Variants in CSMD2 observed in about 807,000 individuals in gnomAD.
CSMD2 encodes CUB and sushi domain-containing protein 2.
CSMD2 carries 130 observed loss-of-function variants against 398.5 expected under a neutral mutation model. That is an observed-to-expected ratio of 0.33 (90% confidence interval 0.28 to 0.38). The LOEUF is 0.38. CSMD2 is among the 10% of genes least tolerant of loss of function. The probability of loss-of-function intolerance (pLI) is 1.00; values close to 1 mark genes in which losing one functional copy is unlikely to be tolerated. For missense variants in CSMD2, 3,829 were observed against 4,764.9 expected, an observed-to-expected ratio of 0.80 and a Z score of 5.78; for synonymous variants, 1,828 against 1,908.5, an observed-to-expected ratio of 0.96 and a Z score of 1.10.
intron 5 of CSMD2, among the ~76,000 whole-genome samples, chr1:33,883,165 C>G (rs1049122809): frequency 6.6e-6 from 1 of 152,186 alleles, no homozygotes; most frequent in Non-Finnish European, 1.5e-5. Flanking sequence ...GTTATTTAAA[C>G]TTTCTTCCAT....
rs1654033730 is a variant in CSMD2, at chr1:33,519,327, A to G, written c.*53+138T>C. The G allele has an allele frequency of 3.3e-6, 2 of 603,368 alleles. No individual in the cohort carries two copies. The highest frequency in any genetic ancestry group is 5.9e-6 in the Non-Finnish European group (2 of 340,292). 37.4% of individuals were successfully genotyped at this position (603,368 alleles called of 1,614,324 possible). A position where few individuals can be genotyped will look rare whatever the true frequency, so the allele number is the denominator to read the frequency against. On this transcript the variant is annotated intron_variant, in intron 70 of 70. Coordinates refer to ENST00000373381, the MANE Select transcript of CSMD2 (RefSeq NM_001281956.2). This position sits in a 1 kb window ranked among gnomAD's most constrained non-coding sequence, Gnocchi z 5.6. ...GGCCTGGTTCAGTGCCTGTTACACA[A>G]TGATGCTCAATGCACAGCTCTCCTC...
At chr1:33,666,740 C>A (rs1644329670) in intron 25 of CSMD2, among the ~76,000 whole-genome samples, 1 of 152,064 alleles carries the variant, frequency 6.6e-6, no homozygotes, top group South Asian at 2.1e-4. Flanking sequence ...TAGGACAGAG[C>A]ACAAACACAC....
chr1:33,759,210 G>A (rs1649457706), intron 13 of CSMD2, among the ~76,000 whole-genome samples: 1 of 152,108 alleles, frequency 6.6e-6, no homozygotes, highest in Non-Finnish European at 1.5e-5. Context: ...TGAACTGTAA[G>A]TGGAAAGGCA....
chr1:34,092,603 A>T (rs1658729045), intron 1 of CSMD2, among the ~76,000 whole-genome samples: 1 of 152,162 alleles, frequency 6.6e-6, no homozygotes, highest in African/African-American at 2.4e-5. Flanking sequence ...CGGGACGTGC[A>T]AGGGGGCAGG....
At chr1:34,043,182 C>T (rs931308149) in intron 2 of CSMD2, among the ~76,000 whole-genome samples, 5 of 152,158 alleles carry the variant, frequency 3.3e-5, no homozygotes, top group Non-Finnish European at 5.9e-5. Context: ...CCCCAGCCTC[C>T]CTAAGTGCTG....
At chr1:33,787,210 C>A (rs1653639991) in intron 12 of CSMD2, among the ~76,000 whole-genome samples, 1 of 152,214 alleles carries the variant, frequency 6.6e-6, no homozygotes, top group African/African-American at 2.4e-5. Context: ...CATGGCCCTG[C>A]TGAGCCTTGG....
chr1:34,032,494 C>G, intron 3 of CSMD2, 100 bp downstream of exon 3: 1 of 728,484 alleles, frequency 1.4e-6, no homozygotes. Context: ...AGCTCTGGGT[C>G]TGAAGAACAC....
chr1:33,759,431 T>C (rs1649523005), intron 13 of CSMD2, among the ~76,000 whole-genome samples: 1 of 149,912 alleles, frequency 6.7e-6, no homozygotes, highest in African/African-American at 2.5e-5. Context: ...GTTCACGCCA[T>C]TCTCCTGCCT....
chr1:33,519,624 A>C lies in CSMD2; in HGVS notation c.10790T>G (p.Val3597Gly). The C allele has an allele frequency of 6.2e-7, 1 of 1,613,998 alleles. No homozygotes were observed. Among genetic ancestry groups the C allele is most frequent in the Non-Finnish European group, 8.5e-7 (1 of 1,179,982 alleles). The part of the protein sequence containing the change: ...NGYAGHENTN[V>G]RATFENPMYD... ...CATTGGGTTCTCAAATGTGGCCCGA[A>C]CATTGGTGTTCTCGTGGCCAGCATA... The change falls in exon 70 of 71, where the codon GTT (valine) becomes GGT (glycine). Residue 3597 changes from valine (V) to glycine (G), a missense_variant. This residue lies in a region of CSMD2 where 917 missense variants were observed against 1,199.5 expected (regional missense o/e 0.76). Coordinates refer to ENST00000373381, the MANE Select transcript of CSMD2 (RefSeq NM_001281956.2). The surrounding 1 kb of genome is among the most constrained non-coding windows in gnomAD (Gnocchi z 5.6).
chr1:33,896,641 T>C (rs907234733), intron 5 of CSMD2, among the ~76,000 whole-genome samples: 2 of 151,866 alleles, frequency 1.3e-5, no homozygotes, highest in African/African-American at 4.8e-5. Context: ...AGAAGAGGGG[T>C]TGAACTCCCA....
chr1:33,833,703 A>C (rs1451631576), intron 6 of CSMD2, among the ~76,000 whole-genome samples: 1 of 151,550 alleles, frequency 6.6e-6, no homozygotes, highest in African/African-American at 2.4e-5. Flanking sequence ...GAAAAGAGGA[A>C]GTCAAATTGT....
chr1:33,888,788 G>T (rs199865442), intron 5 of CSMD2, among the ~76,000 whole-genome samples: 2 of 53,688 alleles, frequency 3.7e-5, no homozygotes, highest in African/African-American at 2.2e-4. Context: ...TTGTTGTTGA[G>T]ATGGAGTCTC....
chr1:33,673,896 A>G (rs1158223989), intron 25 of CSMD2, among the ~76,000 whole-genome samples: 1 of 152,262 alleles, frequency 6.6e-6, no homozygotes. Flanking sequence ...AATCCTTTAC[A>G]GACAAGCAAA....
chr1:33,642,293 G>C (rs1369251876), intron 29 of CSMD2, among the ~76,000 whole-genome samples: 1 of 146,602 alleles, frequency 6.8e-6, no homozygotes, highest in Non-Finnish European at 1.5e-5. Context: ...GTTGCAGTGA[G>C]CTGAGATTGC....
intron 3 of CSMD2, among the ~76,000 whole-genome samples, chr1:33,953,290 C>T (rs934709337): frequency 2.6e-5 from 4 of 152,196 alleles, no homozygotes. Context: ...ATATTAAACA[C>T]CTGCCCAGGA....
chr1:33,841,404 G>T (rs1169174488), intron 6 of CSMD2, among the ~76,000 whole-genome samples: 1 of 152,142 alleles, frequency 6.6e-6, no homozygotes, highest in Non-Finnish European at 1.5e-5. Flanking sequence ...TTTATACTGG[G>T]ATCTTCTTTC....
intron 5 of CSMD2, among the ~76,000 whole-genome samples, chr1:33,896,797 G>C (rs750924310): frequency 2.6e-5 from 4 of 152,128 alleles, no homozygotes; most frequent in Non-Finnish European, 5.9e-5. Context: ...CTGTGCATAT[G>C]ATCTTAAAGG....
At chr1:34,086,020 GAAAAAAA>G (rs146332740) in intron 2 of CSMD2, among the ~76,000 whole-genome samples, 53 of 130,192 alleles carry the variant, frequency 4.1e-4, no homozygotes, top group Admixed American at 1.1e-3. Flanking sequence ...AAGTTTCCTG[GAAAAAAA>G]AAAAAAAAGA....
At chr1:33,984,727 G>A (rs1334613719) in intron 3 of CSMD2, among the ~76,000 whole-genome samples, 1 of 152,096 alleles carries the variant, frequency 6.6e-6, no homozygotes, top group Non-Finnish European at 1.5e-5. Context: ...AGGCTGCAGT[G>A]AGCTGAGATT....
Sources: gnomAD v4.1 joint callset for allele counts (sites outside exome capture counted in the v4.1 genomes callset) on GRCh38, gnomAD v4.1.1 for gene constraint, gnomAD v4.1.1 regional missense constraint, Gnocchi (gnomAD v3.1) non-coding constraint, MANE v1.5 for transcripts, NCBI Gene and HGNC (gene_info 2026-07-23, HGNC 2026-07-21) for gene names.